The following ZNF124 variants were observed in gnomAD, a reference collection of about 807,000 sequenced individuals.
ZNF124 encodes the protein zinc finger protein HZF-16.
In ZNF124, 25 loss-of-function variants were observed where a neutral mutation model predicts 26.6. The ratio of observed to expected loss-of-function variants is 0.94; its 90% CI spans 0.68 to 1.31. The LOEUF (loss-of-function observed/expected upper bound fraction) is 1.31, where lower values mean the gene tolerates loss of function less well. ZNF124 is among the 40% of genes most tolerant of loss of function. The pLI is 0.00. For synonymous variants in ZNF124, 129 were observed against 133.3 expected (o/e 0.97, Z 0.22); for missense variants, 444 against 422.2 (o/e 1.05, Z -0.45).
exon 4 of ZNF124, chr1:247,123,558 TA>T: frequency 2.7e-6 from 1 of 368,504 alleles, no homozygotes; most frequent in Non-Finnish European, 4.9e-6. Flanking sequence ...ATTGGTTTCC[TA>T]AATTAGCAAA....
intron 1 of ZNF124, 169 bp from the exon 2 acceptor site, chr1:247,159,982 T>TTTTG (rs1320056007): frequency 3.5e-6 from 1 of 286,114 alleles, no homozygotes; most frequent in Non-Finnish European, 5.1e-6. Flanking sequence ...AGCAGTTCTT[T>TTTTG]TTTTTTTTTT....
chr1:247,128,970 TGAGA>T (rs1672285000), intron 3 of ZNF124, among the ~76,000 whole-genome samples: 1 of 15,664 alleles, frequency 6.4e-5, no homozygotes, highest in African/African-American at 3.6e-4. Context: ...ATTCAGGAGA[TGAGA>T]GGGAGGGTGG....
At position 247,168,564 on chromosome 1, in the gene ZNF124, C is replaced by T. The variant is rs987761938; in HGVS notation, c.30+3284G>A. 1.3e-5 allele frequency among the ~76,000 whole-genome samples: 2 copies of T among 152,084 alleles called. No homozygotes were observed. The highest frequency in any genetic ancestry group is 4.8e-5 in the African/African-American group (2 of 41,392). ...AAAAACAAACAAACAAAAACACTTG[C>T]ACACGCATGTTAACAGTAGCACAAT... is the stretch of plus-strand genomic sequence containing the variant. On this transcript the variant is annotated intron_variant, in intron 1 of 3. Transcript: ENST00000543802. The surrounding 1 kb of genome is among the most constrained non-coding windows in gnomAD (Gnocchi z 4.0).
Position 247,156,540 on chromosome 1 carries a change from G to T in ZNF124, c.*26C>A. ...CAAGTATGTGACTGTTCATGTTTTTGACAAAAACTGTAGTGATTAAAGCCT... is the reference window on the plus strand; with the variant it reads ...CAAGTATGTGACTGTTCATGTTTTTTACAAAAACTGTAGTGATTAAAGCCT... On this transcript the variant is annotated 3_prime_UTR_variant, in exon 4 of 4. Transcript: ENST00000543802. 1 of 1,499,628 alleles carries T rather than the reference G, an allele frequency of 6.7e-7. No homozygotes were observed. The highest frequency in any genetic ancestry group is 1.4e-5 in the South Asian group (1 of 69,958). The allele number at this position is 1,499,628 out of a possible 1,614,324, so 92.9% of individuals were successfully genotyped here.
intron 1 of ZNF124, among the ~76,000 whole-genome samples, chr1:247,170,968 A>T (rs1674085011): frequency 1.2e-5 from 1 of 80,414 alleles, no homozygotes; most frequent in Non-Finnish European, 2.2e-5. Context: ...GGCATAAGAC[A>T]ATATGAGGGG....
chr1:247,133,653 C>CTT (rs1163588323), intron 3 of ZNF124, among the ~76,000 whole-genome samples: 4,449 of 127,148 alleles, frequency 0.035, 285 homozygotes, highest in African/African-American at 0.1. Flanking sequence ...ATTCAATATT[C>CTT]TTTTTTTTTT....
At chr1:247,123,808 A>G in exon 4 of ZNF124, 1 of 701,598 alleles carries the variant, frequency 1.4e-6, no homozygotes, top group Non-Finnish European at 2.6e-6. Context: ...GTCCCAGCCC[A>G]GCCTCTTAGT....
chr1:247,159,915 A>G, intron 1 of ZNF124, 102 bp from the exon 2 acceptor site: 1 of 1,366,736 alleles, frequency 7.3e-7, no homozygotes, highest in East Asian at 3.0e-5. Flanking sequence ...GCGAACATTT[A>G]TTCTACTATT....
chr1:247,128,828 G>A (rs574340335), intron 3 of ZNF124, among the ~76,000 whole-genome samples: 2 of 151,724 alleles, frequency 1.3e-5, no homozygotes, highest in East Asian at 3.9e-4. Flanking sequence ...GGGGCACAGT[G>A]GGGACACGGC....
chr1:247,142,773 C>T (rs1041272974), intron 3 of ZNF124, among the ~76,000 whole-genome samples: 9 of 151,554 alleles, frequency 5.9e-5, no homozygotes, highest in Non-Finnish European at 1.3e-4. Context: ...TTTAAACTTT[C>T]TTCTACTCTA....
chr1:247,165,379 C>T (rs1673722108), intron 1 of ZNF124, among the ~76,000 whole-genome samples: 1 of 152,120 alleles, frequency 6.6e-6, no homozygotes, highest in Admixed American at 6.6e-5. Flanking sequence ...TGAAACTGGA[C>T]CCCTTCCTTA....
intron 3 of ZNF124, among the ~76,000 whole-genome samples, chr1:247,142,388 A>G (rs1370209202): frequency 2.6e-5 from 4 of 152,252 alleles, no homozygotes; most frequent in Non-Finnish European, 4.4e-5. Flanking sequence ...TGTATTTCAT[A>G]TAAGACATCT....
intron 3 of ZNF124, among the ~76,000 whole-genome samples, chr1:247,137,839 T>A (rs1672524284): frequency 6.6e-6 from 1 of 152,166 alleles, no homozygotes; most frequent in Non-Finnish European, 1.5e-5. Context: ...TTTATGCATC[T>A]AACAAACACA....
intron 1 of ZNF124, among the ~76,000 whole-genome samples, chr1:247,166,407 C>T (rs1210371425): frequency 6.6e-6 from 1 of 152,142 alleles, no homozygotes; most frequent in Admixed American, 6.5e-5. Flanking sequence ...AAGAAATATG[C>T]ATGCATAGGT....
At chr1:247,139,117 G>A (rs1396928596) in intron 3 of ZNF124, among the ~76,000 whole-genome samples, 1 of 152,182 alleles carries the variant, frequency 6.6e-6, no homozygotes, top group Non-Finnish European at 1.5e-5. Context: ...CCTAAAATGT[G>A]TAAAACCAAG....
chr1:247,158,921 G>T, intron 3 of ZNF124, 85 bp downstream of exon 3: 1 of 1,280,736 alleles, frequency 7.8e-7, no homozygotes, highest in Non-Finnish European at 1.1e-6. Context: ...GAGCCACCAT[G>T]CCTGGCCTTG....
Position 247,123,963 on chromosome 1 carries a change from G to C in ZNF124, c.219-92C>G, listed in dbSNP as rs1672142728. 9 of 697,034 alleles carry C rather than the reference G, an allele frequency of 1.3e-5. No homozygotes were observed. The South Asian group carries it at 1.3e-4, about 10-fold the overall frequency. 43.2% of individuals were successfully genotyped at this position (697,034 alleles called of 1,614,324 possible). Reference sequence around the variant, plus strand: ...GCCCTTTGTGATGTGCTTTTAGCTGGGACTACAGGCACCCGCCACCACGCC... The same window carrying C: ...GCCCTTTGTGATGTGCTTTTAGCTGCGACTACAGGCACCCGCCACCACGCC... On this transcript the variant is annotated intron_variant, in intron 3 of 3. Coordinates refer to the ZNF124 transcript ENST00000472531.
At chr1:247,149,382 A>G (rs932843080) in intron 3 of ZNF124, among the ~76,000 whole-genome samples, 6 of 152,242 alleles carry the variant, frequency 3.9e-5, no homozygotes, top group African/African-American at 9.6e-5. Context: ...TATCTCAGAG[A>G]GACTTCTGCA....
chr1:247,145,027 G>T (rs547583082), intron 3 of ZNF124, among the ~76,000 whole-genome samples: 1 of 152,246 alleles, frequency 6.6e-6, no homozygotes, highest in South Asian at 2.1e-4. Flanking sequence ...ACCCGCCTCG[G>T]CCTCCCAAAG....
Sources: allele counts gnomAD v4.1 joint callset (sites outside exome capture counted in the v4.1 genomes callset), GRCh38; gene constraint gnomAD v4.1.1; non-coding constraint Gnocchi (gnomAD v3.1); transcripts MANE v1.5; gene names NCBI Gene and HGNC (gene_info 2026-07-23, HGNC 2026-07-21).